Variants in ACTA2 observed in about 807,000 individuals in gnomAD.
ACTA2 encodes the protein actin, aortic smooth muscle.
ACTA2 carries 12 observed loss-of-function variants against 39.5 expected under a neutral mutation model. The ratio of observed to expected loss-of-function variants is 0.30; its 90% CI spans 0.19 to 0.49. The LOEUF (loss-of-function observed/expected upper bound fraction) is 0.49, where lower values mean the gene tolerates loss of function less well. ACTA2 is among the 20% of genes least tolerant of loss of function. The pLI is 0.99. For missense variants in ACTA2, 236 were observed against 498.8 expected (o/e 0.47, Z 5.02); for synonymous variants, 158 against 180.6 (o/e 0.88, Z 1.00).
upstream of ACTA2, among the ~76,000 whole-genome samples, chr10:88,955,016 C>CAAAAAA (rs768193000): frequency 6.9e-5 from 5 of 72,944 alleles, no homozygotes; most frequent in African/African-American, 2.0e-4. Flanking sequence ...TAGTGTCACA[C>CAAAAAA]AAAAAAAAAA....
At chr10:88,985,044 C>T (rs990777697) in intron 1 of ACTA2, among the ~76,000 whole-genome samples, 2 of 152,098 alleles carry the variant, frequency 1.3e-5, no homozygotes, top group African/African-American at 2.4e-5. Flanking sequence ...CTATAAAAGG[C>T]GTTGGTGATG....
At chr10:88,943,106 G>A (rs1845885470) in intron 4 of ACTA2, among the ~76,000 whole-genome samples, 1 of 152,164 alleles carries the variant, frequency 6.6e-6, no homozygotes, top group Non-Finnish European at 1.5e-5. Context: ...AAAATGCTGA[G>A]CCCAGTACTT....
chr10:88,947,179 G>T (rs1845966808), intron 3 of ACTA2, 79 bp downstream of exon 3: 2 of 1,575,260 alleles, frequency 1.3e-6, no homozygotes, highest in Admixed American at 1.7e-5. Flanking sequence ...TATTTCCCCA[G>T]CAGTAGTGTG....
At chr10:88,971,666 T>G (rs1589416622) in intron 1 of ACTA2, among the ~76,000 whole-genome samples, 1 of 152,238 alleles carries the variant, frequency 6.6e-6, no homozygotes, top group African/African-American at 2.4e-5. Context: ...GCTATCTTTT[T>G]GTAACTAATA....
chr10:88,944,024 C>T, intron 3 of ACTA2, 117 bp from the exon 4 acceptor site: 1 of 810,872 alleles, frequency 1.2e-6, no homozygotes, highest in Non-Finnish European at 2.1e-6. Flanking sequence ...GCTACAAGTA[C>T]TCATGCATGT....
chr10:88,990,631 T>C lies in ACTA2; in HGVS notation c.-24+308A>G. On this transcript the variant is annotated intron_variant, in intron 1 of 4. Transcript: ENST00000415557. This position sits in a 1 kb window ranked among gnomAD's most constrained non-coding sequence, Gnocchi z 4.9. ...TCCCATCCTCCTGACCACCGGGGCT[T>C]TTCGTGAGCTCGTCTCTGATCTCGC... 1 of 690,088 alleles carries C rather than the reference T, an allele frequency of 1.4e-6. No homozygotes were observed. The highest frequency in any genetic ancestry group is 1.5e-5 in the South Asian group (1 of 66,562). The allele number at this position is 690,088 out of a possible 1,614,324, so 42.7% of individuals were successfully genotyped here. A position where few individuals can be genotyped will look rare whatever the true frequency, so the allele number is the denominator to read the frequency against.
intron 2 of ACTA2, 132 bp downstream of exon 2, chr10:88,948,670 A>T: frequency 8.0e-7 from 1 of 1,246,946 alleles, no homozygotes; most frequent in Non-Finnish European, 1.2e-6. Flanking sequence ...CCTGGACCTT[A>T]ATCATTAGAG....
At chr10:88,970,454 C>T (rs11202914) in intron 1 of ACTA2, among the ~76,000 whole-genome samples, 49,075 of 151,924 alleles carry the variant, frequency 0.32, 8,545 homozygotes, top group Non-Finnish European at 0.39. Flanking sequence ...TTGAGGAGGG[C>T]GTTCAGTTAG....
chr10:88,952,316 A>G (rs1846064708), intron 1 of ACTA2, among the ~76,000 whole-genome samples: 1 of 152,192 alleles, frequency 6.6e-6, no homozygotes, highest in Admixed American at 6.5e-5. Context: ...CACCAAAAAT[A>G]CAGCCCAGTG....
chr10:88,954,569 G>A (rs1233778514), upstream of ACTA2, among the ~76,000 whole-genome samples: 1 of 152,042 alleles, frequency 6.6e-6, no homozygotes, highest in Non-Finnish European at 1.5e-5. Context: ...TAGTCCTTGC[G>A]ATCTTTATGA....
At chr10:88,962,976 T>A (rs867407855) in intron 1 of ACTA2, among the ~76,000 whole-genome samples, 184 of 81,890 alleles carry the variant, frequency 2.2e-3, no homozygotes, top group Middle Eastern at 6.0e-3. Context: ...TATATATATA[T>A]AATATTTTTT....
intron 1 of ACTA2, chr10:88,989,415 C>T (rs1362821004): frequency 4.0e-6 from 2 of 501,122 alleles, no homozygotes; most frequent in African/African-American, 2.0e-5. Flanking sequence ...AGAGATAATA[C>T]AGAGAATGCC....
chr10:88,953,629 G>T (rs1325590010), upstream of ACTA2, among the ~76,000 whole-genome samples: 3 of 152,128 alleles, frequency 2.0e-5, no homozygotes, highest in Non-Finnish European at 4.4e-5. Flanking sequence ...AGGTGATATG[G>T]TTTGGTTCTA....
chr10:88,963,021 G>A (rs959735403), intron 1 of ACTA2, among the ~76,000 whole-genome samples: 3 of 135,654 alleles, frequency 2.2e-5, no homozygotes, highest in African/African-American at 8.3e-5. Flanking sequence ...AAGCTGGAAC[G>A]CCCCTTTATG....
At chr10:88,969,274 A>T (rs1846379756) in intron 1 of ACTA2, among the ~76,000 whole-genome samples, 1 of 152,200 alleles carries the variant, frequency 6.6e-6, no homozygotes, top group Non-Finnish European at 1.5e-5. Context: ...CATTTCCCAA[A>T]AAAAGCTCTT....
chr10:88,970,195 C>A (rs1003625424), intron 1 of ACTA2, among the ~76,000 whole-genome samples: 1 of 152,170 alleles, frequency 6.6e-6, no homozygotes, highest in African/African-American at 2.4e-5. Flanking sequence ...CCAACTTTTT[C>A]TCTACTCATA....
intron 3 of ACTA2, among the ~76,000 whole-genome samples, chr10:88,945,525 GT>G (rs139257074): frequency 2.6e-5 from 4 of 151,960 alleles, no homozygotes; most frequent in Admixed American, 6.6e-5. Flanking sequence ...TATTTCTTCT[GT>G]TTTTTTCTCT....
intron 1 of ACTA2, among the ~76,000 whole-genome samples, chr10:88,965,973 T>G (rs1846311700): frequency 1.3e-5 from 2 of 152,208 alleles, no homozygotes; most frequent in South Asian, 4.1e-4. Flanking sequence ...AAGCATGGCC[T>G]GAATTTACGG....
chr10:88,948,094 C>T (rs1052687929), intron 2 of ACTA2: 1 of 156,272 alleles, frequency 6.4e-6, no homozygotes, highest in Non-Finnish European at 1.4e-5. Flanking sequence ...AAAATAGCGG[C>T]TTGTGCAGAA....
Sources: gnomAD v4.1 joint callset for allele counts (sites outside exome capture counted in the v4.1 genomes callset) on GRCh38, gnomAD v4.1.1 for gene constraint, Gnocchi (gnomAD v3.1) non-coding constraint, MANE v1.5 for transcripts, NCBI Gene and HGNC (gene_info 2026-07-23, HGNC 2026-07-21) for gene names.